Variants in TBCK observed in about 807,000 individuals in gnomAD.
TBCK encodes TBC domain-containing protein kinase-like protein.
A neutral mutation model predicts 113.4 loss-of-function variants in TBCK; 99 were observed. That is an observed-to-expected ratio of 0.87 (90% confidence interval 0.74 to 1.03). The LOEUF (loss-of-function observed/expected upper bound fraction) is 1.03. Ranked by LOEUF, TBCK falls within the 50% of genes least tolerant of loss-of-function variation. The pLI is 0.00. For synonymous variants in TBCK, 369 were observed against 370.8 expected, an observed-to-expected ratio of 1.00 and a Z score of 0.05; for missense variants, 1,045 against 1,061.3, an observed-to-expected ratio of 0.98 and a Z score of 0.21.
At chr4:106,072,929 C>T (rs541422399) in intron 25 of TBCK, among the ~76,000 whole-genome samples, 1 of 152,282 alleles carries the variant, frequency 6.6e-6, no homozygotes, top group East Asian at 1.9e-4. Flanking sequence ...GCTCTCGTGC[C>T]ATGGTTTTCA....
At chr4:106,248,402 T>G in intron 8 of TBCK, 96 bp from the exon 9 acceptor site, 1 of 894,602 alleles carries the variant, frequency 1.1e-6, no homozygotes, top group Non-Finnish European at 1.6e-6. Context: ...TTTGATGTTT[T>G]TAAAGTTTTT....
chr4:106,121,878 T>G lies in TBCK; in HGVS notation c.2236-5500A>C, dbSNP rs1224541981. On this transcript the variant is annotated intron_variant, in intron 23 of 25. Coordinates refer to ENST00000394708, the MANE Select transcript of TBCK (RefSeq NM_001163435.3). Reference sequence around the variant, plus strand: ...TCTCTGGGACACATTCAAAGCAGTGTGTAGAGGGAAATTTATAGCACTAAA... The same window carrying G: ...TCTCTGGGACACATTCAAAGCAGTGGGTAGAGGGAAATTTATAGCACTAAA... Among the ~76,000 whole-genome samples the G allele has an allele frequency of 6.6e-5, 10 of 151,834 alleles. No individual in the cohort carries two copies. In the South Asian group the frequency reaches 1.9e-3, roughly 29 times the overall value.
intron 22 of TBCK, 133 bp downstream of exon 22, chr4:106,193,476 C>G (rs1402133967): frequency 1.2e-6 from 1 of 842,438 alleles, no homozygotes; most frequent in African/African-American, 1.7e-5. Flanking sequence ...GAGAAAGAAT[C>G]CAGAGAGGAT....
intron 25 of TBCK, among the ~76,000 whole-genome samples, chr4:106,084,852 G>A (rs546514091): frequency 5.9e-5 from 9 of 152,310 alleles, no homozygotes; most frequent in Admixed American, 5.9e-4. Flanking sequence ...ATAAGCGGAG[G>A]AGAGATAAAA....
intron 23 of TBCK, among the ~76,000 whole-genome samples, chr4:106,128,646 G>C (rs1410029861): frequency 2.6e-5 from 4 of 152,048 alleles, no homozygotes; most frequent in Admixed American, 2.0e-4. Context: ...GAAAAAATAA[G>C]GAGAGGGGAT....
chr4:106,116,032 T>C (rs1743443474), intron 24 of TBCK, among the ~76,000 whole-genome samples, 171 bp downstream of exon 24: 1 of 152,214 alleles, frequency 6.6e-6, no homozygotes, highest in Non-Finnish European at 1.5e-5. Context: ...TGTAATGTTA[T>C]CTTATAAAAC....
At chr4:106,082,637 G>A (rs1181985671) in intron 25 of TBCK, among the ~76,000 whole-genome samples, 2 of 152,080 alleles carry the variant, frequency 1.3e-5, no homozygotes, top group Non-Finnish European at 1.5e-5. Flanking sequence ...TTGAGACTGG[G>A]TAATTTATAA....
In TBCK at chr4:106,196,840, T is replaced by C. The variant is rs1315388873; in HGVS notation, c.1861-2086A>G. Among the ~76,000 whole-genome samples the C allele has an allele frequency of 2.6e-5, 4 of 152,228 alleles. No homozygotes were observed. In the South Asian group the frequency reaches 6.2e-4, roughly 24 times the overall value. ...GACATCAATATTACCTTCTCCCTTT[T>C]TGATGAAAGCTAACTGTCATTAAGA... is the stretch of plus-strand genomic sequence containing the variant. On this transcript the variant is annotated intron_variant, in intron 20 of 25. Coordinates refer to ENST00000394708, the MANE Select transcript of TBCK (RefSeq NM_001163435.3).
intron 19 of TBCK, among the ~76,000 whole-genome samples, chr4:106,217,535 T>C (rs1275522974): frequency 1.3e-5 from 2 of 152,054 alleles, no homozygotes; most frequent in Non-Finnish European, 2.9e-5. Context: ...GGATACAAAA[T>C]CAATGTGCAA....
At chr4:106,105,239 A>G (rs1402951414) in intron 24 of TBCK, among the ~76,000 whole-genome samples, 2 of 152,208 alleles carry the variant, frequency 1.3e-5, no homozygotes, top group African/African-American at 4.8e-5. Flanking sequence ...ACCAGACAGG[A>G]AACTCCTGGC....
intron 25 of TBCK, among the ~76,000 whole-genome samples, chr4:106,048,840 G>C (rs1459528445): frequency 6.6e-6 from 1 of 152,112 alleles, no homozygotes; most frequent in Admixed American, 6.6e-5. Flanking sequence ...CTAACAACCA[G>C]GCTGCTACTG....
intron 12 of TBCK, among the ~76,000 whole-genome samples, chr4:106,239,779 TA>T (rs767904778): frequency 6.6e-6 from 1 of 152,168 alleles, no homozygotes; most frequent in East Asian, 1.9e-4. Context: ...AATATGGTTT[TA>T]AAGCTAACTC....
At chr4:106,147,309 G>A (rs1747916180) in intron 23 of TBCK, among the ~76,000 whole-genome samples, 1 of 152,178 alleles carries the variant, frequency 6.6e-6, no homozygotes, top group Non-Finnish European at 1.5e-5. Context: ...AGATTGATCA[G>A]AGAAGTCACT....
At chr4:106,176,849 C>T (rs1054958577) in intron 22 of TBCK, among the ~76,000 whole-genome samples, 11 of 151,696 alleles carry the variant, frequency 7.3e-5, no homozygotes, top group Admixed American at 1.3e-4. Flanking sequence ...TTCTCTTCTT[C>T]GTAATAGCCT....
chr4:106,240,451 T>C (rs977740006), intron 12 of TBCK, among the ~76,000 whole-genome samples: 2 of 151,928 alleles, frequency 1.3e-5, no homozygotes, highest in Non-Finnish European at 2.9e-5. Context: ...AGACATATTA[T>C]TTAAAAAAGA....
rs1323533749 is a variant in TBCK at position 106,116,441 on chromosome 4, G to A, written c.2236-63C>T. Reference sequence around the variant, plus strand: ...ATTATAGAAAAACAAATTATCCCCAGTAATAGAATATCTTGATACCAAACA... The same window carrying A: ...ATTATAGAAAAACAAATTATCCCCAATAATAGAATATCTTGATACCAAACA... On this transcript the variant is annotated intron_variant, in intron 23 of 25. Coordinates refer to ENST00000394708, the MANE Select transcript of TBCK (RefSeq NM_001163435.3). 9.2e-6 allele frequency: 12 copies of A among 1,303,024 alleles called. No individual in the cohort carries two copies. In the African/African-American group the frequency reaches 1.8e-4, roughly 19 times the overall value. 80.7% of individuals were successfully genotyped at this position (1,303,024 alleles called of 1,614,324 possible).
chr4:106,259,759 A>C (rs1762329596), intron 5 of TBCK, among the ~76,000 whole-genome samples: 1 of 151,918 alleles, frequency 6.6e-6, no homozygotes, highest in Non-Finnish European at 1.5e-5. Flanking sequence ...AACAATCTCA[A>C]CTTAATCTTC....
chr4:106,143,662 C>T (rs569996140), intron 23 of TBCK, among the ~76,000 whole-genome samples: 43 of 152,216 alleles, frequency 2.8e-4, no homozygotes, highest in Admixed American at 5.2e-4. Flanking sequence ...CCCCTGTAAT[C>T]CCAGCACTTT....
intron 3 of TBCK, among the ~76,000 whole-genome samples, chr4:106,290,271 G>C (rs969671992): frequency 6.6e-6 from 1 of 152,020 alleles, no homozygotes; most frequent in Admixed American, 6.6e-5. Context: ...TCCGCCTCCC[G>C]GGTTCACGCC....
Sources: allele counts gnomAD v4.1 joint callset (sites outside exome capture counted in the v4.1 genomes callset), GRCh38; gene constraint gnomAD v4.1.1; transcripts MANE v1.5; gene names NCBI Gene and HGNC (gene_info 2026-07-23, HGNC 2026-07-21).